The following CPE variants were observed in gnomAD, a reference collection of about 807,000 sequenced individuals.
The protein encoded by CPE is carboxypeptidase E.
A neutral mutation model predicts 53.5 loss-of-function variants in CPE; 17 were observed. The ratio of observed to expected loss-of-function variants is 0.32; its 90% CI spans 0.22 to 0.48. The LOEUF (loss-of-function observed/expected upper bound fraction) is 0.48, where lower values mean the gene tolerates loss of function less well. Among genes scored for constraint, CPE ranks in the 20% least tolerant of loss-of-function variants. The pLI is 0.99. For missense variants in CPE, 524 were observed against 614.7 expected, an observed-to-expected ratio of 0.85 and a Z score of 1.56; for synonymous variants, 226 against 228.8, an observed-to-expected ratio of 0.99 and a Z score of 0.11.
chr4:165,425,600 A>G (rs1293055627), intron 1 of CPE, among the ~76,000 whole-genome samples: 1 of 152,224 alleles, frequency 6.6e-6, no homozygotes, highest in African/African-American at 2.4e-5. Context: ...GATATTGACA[A>G]TAAAGTCAAA....
chr4:165,418,208 A>G (rs1299317181), intron 1 of CPE: 1 of 152,230 alleles, frequency 6.6e-6, no homozygotes, highest in Non-Finnish European at 1.5e-5. Flanking sequence ...GACATTCAAG[A>G]CCCATTGGAA....
chr4:165,382,035 C>T (rs1256180810), intron 1 of CPE, among the ~76,000 whole-genome samples: 1 of 152,150 alleles, frequency 6.6e-6, no homozygotes, highest in Non-Finnish European at 1.5e-5. Flanking sequence ...GAATTGGGAG[C>T]TTGAAGAACA....
At chr4:165,468,525 T>C (rs1339995542) in intron 3 of CPE, among the ~76,000 whole-genome samples, 1 of 152,188 alleles carries the variant, frequency 6.6e-6, no homozygotes, top group Non-Finnish European at 1.5e-5. Context: ...AACAAATATT[T>C]TCCCTTAGAA....
intron 2 of CPE, 119 bp from the exon 3 acceptor site, chr4:165,467,569 C>A: frequency 1.1e-6 from 1 of 919,558 alleles, no homozygotes; most frequent in Non-Finnish European, 1.6e-6. Flanking sequence ...CATGGGAGGG[C>A]ATTGTTGAAG....
chr4:165,448,216 A>C (rs1037746397), intron 1 of CPE, among the ~76,000 whole-genome samples: 2 of 152,246 alleles, frequency 1.3e-5, no homozygotes, highest in African/African-American at 4.8e-5. Flanking sequence ...CTTTTCAAAA[A>C]TAAAACTTCA....
intron 1 of CPE, among the ~76,000 whole-genome samples, chr4:165,451,944 T>C (rs189013515): frequency 6.6e-6 from 1 of 151,292 alleles, no homozygotes; most frequent in East Asian, 1.9e-4. Context: ...TTTTTTTTCG[T>C]TTTTTTTAAA....
At chr4:165,399,128 T>G (rs1028967794) in intron 1 of CPE, among the ~76,000 whole-genome samples, 3 of 152,212 alleles carry the variant, frequency 2.0e-5, no homozygotes, top group African/African-American at 7.2e-5. Flanking sequence ...ATCTACTTGA[T>G]AAACTGTTCT....
intron 3 of CPE, among the ~76,000 whole-genome samples, chr4:165,479,384 A>AATTCTAG (rs1244608935): frequency 6.6e-6 from 1 of 152,216 alleles, no homozygotes; most frequent in East Asian, 1.9e-4. Flanking sequence ...GATCAAAATA[A>AATTCTAG]ATTCTAGACA....
intron 6 of CPE, among the ~76,000 whole-genome samples, chr4:165,487,910 A>G (rs1422138966): frequency 6.6e-6 from 1 of 152,098 alleles, no homozygotes; most frequent in Non-Finnish European, 1.5e-5. Flanking sequence ...GAACAAAAGT[A>G]AGGCAAGCGA....
intron 1 of CPE, among the ~76,000 whole-genome samples, chr4:165,439,198 C>T (rs1731564571): frequency 6.6e-6 from 1 of 152,082 alleles, no homozygotes. Context: ...CCAACCAAAC[C>T]AATGTTAACA....
At chr4:165,404,483 T>G (rs1247447132) in intron 1 of CPE, 1 of 785,596 alleles carries the variant, frequency 1.3e-6, no homozygotes, top group Non-Finnish European at 2.3e-6. Context: ...TAGGAAGCCC[T>G]TGGACACCAT....
At chr4:165,430,063 T>C (rs1414514754) in intron 1 of CPE, among the ~76,000 whole-genome samples, 1 of 152,170 alleles carries the variant, frequency 6.6e-6, no homozygotes, top group African/African-American at 2.4e-5. Context: ...AAAATAAAAA[T>C]AATGCCCTTA....
At chr4:165,425,204 C>T (rs892820764) in intron 1 of CPE, among the ~76,000 whole-genome samples, 6 of 151,924 alleles carry the variant, frequency 3.9e-5, no homozygotes, top group Non-Finnish European at 5.9e-5. Flanking sequence ...TCCACTGTTG[C>T]TTACTATAAA....
Position 165,446,772 on chromosome 4 carries a change from C to A in CPE, c.308-17618C>A, listed in dbSNP as rs2126689203. On this transcript the variant is annotated intron_variant, in intron 1 of 8. Transcript: ENST00000402744. ...ATTGCTACAATTGTTTTGGGAAAAGCTATTGAAATATAAAATTCATATTCT... is the reference window on the plus strand; with the variant it reads ...ATTGCTACAATTGTTTTGGGAAAAGATATTGAAATATAAAATTCATATTCT... Among the ~76,000 whole-genome samples the A allele has an allele frequency of 1.3e-5, 2 of 152,286 alleles. 1 individual carries two copies. Among genetic ancestry groups the A allele is most frequent in the South Asian group, 4.1e-4 (2 of 4,822 alleles).
intron 4 of CPE, among the ~76,000 whole-genome samples, chr4:165,482,569 G>C (rs543964017): frequency 6.6e-6 from 1 of 152,162 alleles, no homozygotes; most frequent in Non-Finnish European, 1.5e-5. Context: ...TTTTCAATAG[G>C]TTAGGTGAAG....
chr4:165,434,859 A>G (rs1731469528), intron 1 of CPE, among the ~76,000 whole-genome samples: 1 of 152,022 alleles, frequency 6.6e-6, no homozygotes, highest in Non-Finnish European at 1.5e-5. Flanking sequence ...TGTTTATGTC[A>G]TGGGGGCAGA....
chr4:165,406,178 G>T, intron 1 of CPE: 1 of 712,310 alleles, frequency 1.4e-6, no homozygotes, highest in East Asian at 2.7e-5. Flanking sequence ...TCTTTGAATG[G>T]GGAGAGTTAA....
At chr4:165,492,138 T>G (rs1018644353) in intron 6 of CPE, among the ~76,000 whole-genome samples, 1 of 152,232 alleles carries the variant, frequency 6.6e-6, no homozygotes, top group African/African-American at 2.4e-5. Context: ...TAATAGCCAG[T>G]TGATGACTAC....
At chr4:165,428,571 A>C (rs536361519) in intron 1 of CPE, among the ~76,000 whole-genome samples, 56 of 152,348 alleles carry the variant, frequency 3.7e-4, no homozygotes, top group African/African-American at 1.3e-3. Context: ...GTTGTTTAAA[A>C]CAACGGAAAT....
Sources: allele counts gnomAD v4.1 joint callset (sites outside exome capture counted in the v4.1 genomes callset), GRCh38; gene constraint gnomAD v4.1.1; transcripts MANE v1.5; gene names NCBI Gene and HGNC (gene_info 2026-07-23, HGNC 2026-07-21).